UBR3: variants seen among roughly 807,000 people sequenced by gnomAD.
UBR3 encodes the protein E3 ubiquitin-protein ligase UBR3.
A neutral mutation model predicts 243.2 loss-of-function variants in UBR3; 85 were observed. The observed-to-expected ratio is 0.35, with a 90% CI of 0.29 to 0.42. The LOEUF (loss-of-function observed/expected upper bound fraction) is 0.42, where lower values mean the gene tolerates loss of function less well. UBR3 is among the 10% of genes least tolerant of loss of function. The probability of loss-of-function intolerance (pLI) is 1.00; values close to 1 mark genes in which losing one functional copy is unlikely to be tolerated. For missense variants in UBR3, 1,686 were observed against 2,300.8 expected, an observed-to-expected ratio of 0.73 and a Z score of 5.47; for synonymous variants, 748 against 799.8, an observed-to-expected ratio of 0.94 and a Z score of 1.09.
At chr2:169,851,408 C>T (rs543079865) in intron 1 of UBR3, among the ~76,000 whole-genome samples, 4 of 152,284 alleles carry the variant, frequency 2.6e-5, no homozygotes, top group South Asian at 2.1e-4. Context: ...GGATTACAGG[C>T]GTGAGCCATC....
intron 30 of UBR3, among the ~76,000 whole-genome samples, chr2:170,020,649 G>A (rs934103262): frequency 1.3e-5 from 2 of 152,062 alleles, no homozygotes; most frequent in Admixed American, 6.6e-5. Context: ...AGCATAAAAG[G>A]CAAATAGCTG....
chr2:169,948,361 CTT>C (rs1011697064), intron 22 of UBR3, among the ~76,000 whole-genome samples: 4 of 151,876 alleles, frequency 2.6e-5, no homozygotes, highest in African/African-American at 9.7e-5. Flanking sequence ...TGGCAATTAA[CTT>C]TGATAAAATA....
chr2:170,018,858 G>A (rs1252446173), intron 30 of UBR3, among the ~76,000 whole-genome samples: 1 of 152,144 alleles, frequency 6.6e-6, no homozygotes, highest in Non-Finnish European at 1.5e-5. Flanking sequence ...CTTCATTAAA[G>A]TGATTTGAAA....
chr2:170,013,840 G>A (rs867418851), intron 29 of UBR3: 2 of 457,622 alleles, frequency 4.4e-6, no homozygotes, highest in African/African-American at 4.0e-5. Flanking sequence ...TTTTTCTACA[G>A]ATTAGGCAAC....
chr2:170,057,036 G>C (rs1178935699), intron 33 of UBR3, among the ~76,000 whole-genome samples: 3 of 151,644 alleles, frequency 2.0e-5, no homozygotes, highest in African/African-American at 4.9e-5. Context: ...ATTAATTTCT[G>C]TCTTTCTTGA....
At chr2:169,866,378 T>G (rs143893650) in intron 1 of UBR3, among the ~76,000 whole-genome samples, 3,118 of 151,644 alleles carry the variant, frequency 0.021, 42 homozygotes, top group Non-Finnish European at 0.033. Flanking sequence ...TTGTTTTTTT[T>G]TTTGAGATGA....
chr2:169,882,110 TTA>T (rs1344272845), intron 5 of UBR3, among the ~76,000 whole-genome samples: 3 of 129,012 alleles, frequency 2.3e-5, no homozygotes, highest in East Asian at 2.1e-4. Flanking sequence ...TATATTTATA[TTA>T]TATATGTATA....
At chr2:169,899,334 C>G (rs1279731721) in intron 8 of UBR3, among the ~76,000 whole-genome samples, 1 of 152,138 alleles carries the variant, frequency 6.6e-6, no homozygotes, top group Non-Finnish European at 1.5e-5. Context: ...TTTAGTTTTA[C>G]TAACTTCATG....
chr2:169,882,989 C>CT (rs1439396269), intron 5 of UBR3, among the ~76,000 whole-genome samples: 2 of 152,160 alleles, frequency 1.3e-5, no homozygotes, highest in African/African-American at 4.8e-5. Context: ...ATCTGCTGGT[C>CT]TAAGTGTTCT....
At chr2:169,832,344 A>G (rs1458548680) in intron 1 of UBR3, among the ~76,000 whole-genome samples, 1 of 151,576 alleles carries the variant, frequency 6.6e-6, no homozygotes, top group East Asian at 1.9e-4. Flanking sequence ...AAGTCAGGAG[A>G]TTGAGATCAT....
intron 32 of UBR3, among the ~76,000 whole-genome samples, chr2:170,045,345 G>A (rs191197204): frequency 1.3e-5 from 2 of 152,178 alleles, no homozygotes; most frequent in African/African-American, 4.8e-5. Context: ...AAAATTATGG[G>A]AGTTAAAATT....
chr2:169,928,155 G>T (rs1365987755), intron 17 of UBR3, among the ~76,000 whole-genome samples: 1 of 152,170 alleles, frequency 6.6e-6, no homozygotes, highest in Non-Finnish European at 1.5e-5. Flanking sequence ...ATTTCCTTCA[G>T]TCATTATGAA....
chr2:169,961,332 T>G (rs1232213734), intron 24 of UBR3, among the ~76,000 whole-genome samples: 2 of 151,608 alleles, frequency 1.3e-5, no homozygotes, highest in Non-Finnish European at 2.9e-5. Flanking sequence ...GGGGTACCAA[T>G]TCAAGTATAT....
intron 23 of UBR3, among the ~76,000 whole-genome samples, chr2:169,957,776 A>G (rs1468063547): frequency 1.3e-5 from 2 of 152,234 alleles, no homozygotes; most frequent in Non-Finnish European, 2.9e-5. Flanking sequence ...GATAAGGCAT[A>G]CATAATAAAT....
intron 32 of UBR3, among the ~76,000 whole-genome samples, chr2:170,043,377 C>T (rs925374292): frequency 3.3e-5 from 5 of 152,086 alleles, no homozygotes; most frequent in Non-Finnish European, 5.9e-5. Context: ...GAAGTTCATG[C>T]TCAAAGAGGA....
chr2:170,018,186 C>G (rs2090298676), intron 30 of UBR3, among the ~76,000 whole-genome samples: 1 of 152,182 alleles, frequency 6.6e-6, no homozygotes, highest in South Asian at 2.1e-4. Flanking sequence ...TGCTAACTCT[C>G]CTATTTATCT....
intron 24 of UBR3, among the ~76,000 whole-genome samples, chr2:169,968,572 A>C (rs928209494): frequency 2.0e-5 from 3 of 152,292 alleles, no homozygotes; most frequent in East Asian, 1.9e-4. Flanking sequence ...ATACACACAC[A>C]CACCCACCAC....
rs2084058853 is a variant in UBR3 at position 169,885,554 on chromosome 2, G to A, written c.1039-5611G>A. On this transcript the variant is annotated intron_variant, in intron 5 of 38. Transcript: ENST00000272793. Reference sequence around the variant, plus strand: ...CATTGTGCCACTGCACTCCAGCGTGGGTGACAGAAGGAGACCCTGTCTCAA... The same window carrying A: ...CATTGTGCCACTGCACTCCAGCGTGAGTGACAGAAGGAGACCCTGTCTCAA... Among the ~76,000 whole-genome samples the A allele has an allele frequency of 2.6e-5, 4 of 151,840 alleles. No homozygotes were observed. The South Asian group carries it at 8.3e-4, about 32-fold the overall frequency.
At chr2:169,905,382 C>A in intron 9 of UBR3, 89 bp downstream of exon 9, 2 of 955,620 alleles carry the variant, frequency 2.1e-6, no homozygotes, top group Non-Finnish European at 2.9e-6. Context: ...AATAGCACAT[C>A]ATTCACGCTA....
Sources: allele counts gnomAD v4.1 joint callset (sites outside exome capture counted in the v4.1 genomes callset), GRCh38; gene constraint gnomAD v4.1.1; transcripts MANE v1.5; gene names NCBI Gene and HGNC (gene_info 2026-07-23, HGNC 2026-07-21).